ARSB: variants seen among roughly 807,000 people sequenced by gnomAD.
The protein encoded by ARSB is arylsulfatase B.
Under a neutral mutation model 50.9 loss-of-function variants are expected in ARSB, and 41 were observed. That is an observed-to-expected ratio of 0.81 (90% CI 0.63 to 1.04). The LOEUF (loss-of-function observed/expected upper bound fraction) is 1.04, where lower values mean the gene tolerates loss of function less well. ARSB is among the 50% of genes least tolerant of loss of function. The pLI is 0.00. For missense variants in ARSB, 672 were observed against 693.3 expected, an observed-to-expected ratio of 0.97 and a Z score of 0.35; for synonymous variants, 269 against 284.8, an observed-to-expected ratio of 0.94 and a Z score of 0.56.
At chr5:78,900,232 C>CT (rs1195144593) in intron 4 of ARSB, among the ~76,000 whole-genome samples, 1 of 152,126 alleles carries the variant, frequency 6.6e-6, no homozygotes, top group African/African-American at 2.4e-5. Context: ...AATAGCCACT[C>CT]TGATTTGGTG....
At chr5:78,796,019 T>C (rs975175948) in intron 6 of ARSB, among the ~76,000 whole-genome samples, 2 of 152,198 alleles carry the variant, frequency 1.3e-5, no homozygotes, top group Non-Finnish European at 2.9e-5. Flanking sequence ...AACAATTGGT[T>C]AAGGTCTGAC....
At chr5:78,865,040 T>C (rs1466645603) in intron 5 of ARSB, among the ~76,000 whole-genome samples, 1 of 152,170 alleles carries the variant, frequency 6.6e-6, no homozygotes, top group Non-Finnish European at 1.5e-5. Flanking sequence ...TCCAGGTGCA[T>C]GGTGCAAGCT....
At chr5:78,862,731 A>C (rs1746505376) in intron 5 of ARSB, among the ~76,000 whole-genome samples, 1 of 152,250 alleles carries the variant, frequency 6.6e-6, no homozygotes. Context: ...AAGCAATGGC[A>C]ACAAAAGCCA....
At chr5:78,866,117 G>A (rs1312610666) in intron 5 of ARSB, among the ~76,000 whole-genome samples, 1 of 152,078 alleles carries the variant, frequency 6.6e-6, no homozygotes, top group African/African-American at 2.4e-5. Flanking sequence ...CCAATTTACT[G>A]TATTACTCTG....
At position 78,866,927 on chromosome 5, in the gene ARSB, G is replaced by A. The variant is rs113072572; in HGVS notation, c.1142+18657C>T. Among the ~76,000 whole-genome samples, 1,357 of 152,352 alleles carry A rather than the reference G, an allele frequency of 8.9e-3. 21 individuals carry two copies. The highest frequency in any genetic ancestry group is 0.031 in the African/African-American group (1,293 of 41,580). ...GGTACCGGGTTCATCTCACCAGGGA[G>A]TGCAAGACAGTGGGCGCAGGCCAGT... On this transcript the variant is annotated intron_variant, in intron 5 of 7. Transcript: ENST00000264914.
At position 78,778,419 on chromosome 5, in the gene ARSB, A is replaced by C. The variant is rs904078567; in HGVS notation, c.*1978T>G. ...GGATGACTATACAAGGACTTATATC[A>C]GATTATTTGTTGCTTTTAGTTTCTA... On this transcript the variant is annotated 3_prime_UTR_variant, in exon 8 of 8. Transcript: ENST00000264914. 3 of 152,250 alleles carry C rather than the reference A, an allele frequency of 2.0e-5. No homozygotes were observed. Among genetic ancestry groups the C allele is most frequent in the African/African-American group, 7.2e-5 (3 of 41,472 alleles). 9.4% of individuals were successfully genotyped at this position (152,250 alleles called of 1,614,324 possible). A position where few individuals can be genotyped will look rare whatever the true frequency, so the allele number is the denominator to read the frequency against.
chr5:78,911,621 G>A (rs1195207811), intron 4 of ARSB, among the ~76,000 whole-genome samples: 1 of 131,130 alleles, frequency 7.6e-6, no homozygotes. Flanking sequence ...AGAATAACTT[G>A]GGCAATTAGA....
At chr5:78,931,509 T>G (rs1471351612) in intron 4 of ARSB, among the ~76,000 whole-genome samples, 1 of 152,144 alleles carries the variant, frequency 6.6e-6, no homozygotes, top group Non-Finnish European at 1.5e-5. Flanking sequence ...TGCCTGTCTC[T>G]GGCCATTTCA....
chr5:78,832,009 T>C (rs1046993991), intron 6 of ARSB, among the ~76,000 whole-genome samples: 6 of 152,078 alleles, frequency 3.9e-5, no homozygotes, highest in African/African-American at 1.4e-4. Context: ...TCAATATGTA[T>C]TAATCTCTTA....
chr5:78,804,697 A>G (rs1743504305), intron 6 of ARSB, among the ~76,000 whole-genome samples: 1 of 152,198 alleles, frequency 6.6e-6, no homozygotes, highest in Admixed American at 6.5e-5. Flanking sequence ...TATTTTAACC[A>G]ATGTGGATAG....
chr5:78,881,197 A>C (rs1429735108), intron 5 of ARSB, among the ~76,000 whole-genome samples: 1 of 152,116 alleles, frequency 6.6e-6, no homozygotes. Flanking sequence ...ATATCACTGC[A>C]CTCCAGTCTG....
chr5:78,909,634 G>A (rs1480138789), intron 4 of ARSB, among the ~76,000 whole-genome samples: 2 of 152,230 alleles, frequency 1.3e-5, no homozygotes, highest in Middle Eastern at 3.4e-3. Context: ...CTCCATTCTC[G>A]ATAAACCAGG....
chr5:78,843,945 T>C (rs1333800478), intron 5 of ARSB, among the ~76,000 whole-genome samples: 5 of 152,232 alleles, frequency 3.3e-5, no homozygotes, highest in Admixed American at 1.3e-4. Flanking sequence ...ATTTTCTTTA[T>C]CCATTTACTT....
intron 6 of ARSB, among the ~76,000 whole-genome samples, chr5:78,804,826 C>T (rs1167790676): frequency 6.6e-6 from 1 of 152,206 alleles, no homozygotes; most frequent in Non-Finnish European, 1.5e-5. Context: ...TGGGCAAATG[C>T]TGCCCCGTGC....
At chr5:78,782,263 C>G (rs1044284514) in intron 6 of ARSB, among the ~76,000 whole-genome samples, 24 of 152,356 alleles carry the variant, frequency 1.6e-4, no homozygotes, top group Non-Finnish European at 2.8e-4. Flanking sequence ...ATATGCAGAA[C>G]AGTGTTCTGT....
At position 78,777,817 on chromosome 5, in the gene ARSB, A is replaced by C. The variant is rs1298515067; in HGVS notation, c.*2580T>G. 7.1e-6 allele frequency: 1 copy of C among 140,274 alleles called. No individual in the cohort carries two copies. Among genetic ancestry groups the C allele is most frequent in the Non-Finnish European group, 1.5e-5 (1 of 66,766 alleles). The allele number at this position is 140,274 out of a possible 1,614,324, so 8.7% of individuals were successfully genotyped here. On this transcript the variant is annotated 3_prime_UTR_variant, in exon 8 of 8. Transcript: ENST00000264914. ...CAGTGAGCCGAGATCACACCACTGC[A>C]CTCCAGCCTGGGTGACAGAGCGAGA...
At chr5:78,982,956 T>C (rs1252577222) in intron 1 of ARSB, among the ~76,000 whole-genome samples, 1 of 152,186 alleles carries the variant, frequency 6.6e-6, no homozygotes, top group Non-Finnish European at 1.5e-5. Flanking sequence ...AACCATGGGG[T>C]ACTCTAAATA....
intron 5 of ARSB, among the ~76,000 whole-genome samples, chr5:78,852,718 TCA>T (rs1305531506): frequency 6.6e-6 from 1 of 152,190 alleles, no homozygotes; most frequent in African/African-American, 2.4e-5. Context: ...TTTGGTCTTT[TCA>T]CATAGTCCCA....
intron 6 of ARSB, among the ~76,000 whole-genome samples, chr5:78,786,677 G>A (rs939601006): frequency 1.3e-5 from 2 of 152,090 alleles, no homozygotes; most frequent in Non-Finnish European, 2.9e-5. Context: ...GCTGGAGTGC[G>A]ATCTTAGCTT....
Sources: gnomAD v4.1 joint callset for allele counts (sites outside exome capture counted in the v4.1 genomes callset) on GRCh38, gnomAD v4.1.1 for gene constraint, MANE v1.5 for transcripts, NCBI Gene and HGNC (gene_info 2026-07-23, HGNC 2026-07-21) for gene names.